The following USP34 variants were observed in gnomAD, a reference collection of about 807,000 sequenced individuals.
The protein encoded by USP34 is ubiquitin specific peptidase 34, also known as ubiquitin carboxyl-terminal hydrolase 34.
A neutral mutation model predicts 460.3 loss-of-function variants in USP34; 70 were observed. The observed-to-expected ratio is 0.15, with a 90% CI of 0.13 to 0.19. USP34 has a LOEUF of 0.19. Ranked by LOEUF, USP34 falls within the 10% of genes least tolerant of loss-of-function variation. The probability of loss-of-function intolerance (pLI) is 1.00; values close to 1 mark genes in which losing one functional copy is unlikely to be tolerated. For synonymous variants in USP34, 1,647 were observed against 1,405.3 expected (o/e 1.17, Z -3.85); for missense variants, 3,985 against 4,236.2 (o/e 0.94, Z 1.65).
In USP34 at chr2:61,463,388, C is replaced by T. The variant is rs184542746; in HGVS notation, c.43+7262G>A. Among the ~76,000 whole-genome samples the T allele has an allele frequency of 3.6e-3, 550 of 152,250 alleles. 3 individuals are homozygous for T. Among genetic ancestry groups the T allele is most frequent in the Non-Finnish European group, 6.4e-3 (432 of 68,020 alleles). On this transcript the variant is annotated intron_variant, in intron 1 of 79. Coordinates refer to ENST00000398571, the MANE Select transcript of USP34 (RefSeq NM_014709.4). ...TGAAAAAGATTCTTATTCAGCTATACTTATTACCACTTTTGAATTCCTACT... is the reference window on the plus strand; with the variant it reads ...TGAAAAAGATTCTTATTCAGCTATATTTATTACCACTTTTGAATTCCTACT...
chr2:61,420,906 G>A lies in USP34; in HGVS notation c.44-73C>T. The A allele has an allele frequency of 3.8e-6, 4 of 1,049,788 alleles. No individual in the cohort carries two copies. In the East Asian group the frequency reaches 7.9e-5, roughly 21 times the overall value. 65.0% of individuals were successfully genotyped at this position (1,049,788 alleles called of 1,614,324 possible). ...ATTAAAGCCAACAGTTCAAAATAAA[G>A]CCAAGAGCTACAAATGCAAACATTT... On this transcript the variant is annotated intron_variant, in intron 1 of 79. Coordinates refer to ENST00000398571, the MANE Select transcript of USP34 (RefSeq NM_014709.4).
At chr2:61,296,779 A>G (rs377618831) in intron 30 of USP34, 21 bp downstream of exon 30, 59 of 1,606,686 alleles carry the variant, frequency 3.7e-5, no homozygotes, top group Non-Finnish European at 4.9e-5. Context: ...CTAGGAGAGT[A>G]AAGAGATTTT....
chr2:61,462,226 C>G (rs1241007976), intron 1 of USP34, among the ~76,000 whole-genome samples: 2 of 130,352 alleles, frequency 1.5e-5, no homozygotes, highest in African/African-American at 5.9e-5. Context: ...GGCAACAGAA[C>G]AAGACTCCAT....
At chr2:61,376,749 G>C (rs1263214424) in intron 8 of USP34, among the ~76,000 whole-genome samples, 1 of 152,072 alleles carries the variant, frequency 6.6e-6, no homozygotes, top group African/African-American at 2.4e-5. Context: ...CCGGGTTTAA[G>C]TGATTCTCGT....
In USP34 at chr2:61,188,280, C is replaced by G. The variant is rs1686504746; in HGVS notation, c.10463G>C (p.Gly3488Ala). The change falls in exon 80 of 80, where the codon GGC (glycine) becomes GCC (alanine). Residue 3488 changes from glycine (G) to alanine (A), a missense_variant. Around this residue, in one of 14 missense-constraint regions of USP34, gnomAD observed 506 missense variants for 439.0 expected, o/e 1.15. Coordinates refer to ENST00000398571, the MANE Select transcript of USP34 (RefSeq NM_014709.4). ...SDLADLRSCD[G>A]QALPSQDPEV... ...AGGGTCCTGGGAGGGCAAAGCTTGG[C>G]CATCACAGCTTCTCAAGTCAGCTAA... 1.2e-6 allele frequency: 2 copies of G among 1,613,882 alleles called. No individual in the cohort carries two copies. The highest frequency in any genetic ancestry group is 4.5e-5 in the East Asian group (2 of 44,876).
intron 1 of USP34, among the ~76,000 whole-genome samples, chr2:61,467,617 GTTT>G (rs3980937): frequency 2.8e-5 from 3 of 106,022 alleles, no homozygotes; most frequent in African/African-American, 7.2e-5. Context: ...CTGTAACTTT[GTTT>G]TTTTTTTTTT....
At chr2:61,430,134 G>A (rs1573033676) in intron 1 of USP34, among the ~76,000 whole-genome samples, 1 of 151,844 alleles carries the variant, frequency 6.6e-6, no homozygotes, top group East Asian at 1.9e-4. Flanking sequence ...AGAATGGCGT[G>A]GACCCGAGAG....
In USP34 at chr2:61,370,949, T is replaced by G. The variant is rs532756768; in HGVS notation, c.1077-370A>C. Among the ~76,000 whole-genome samples the G allele has an allele frequency of 1.8e-4, 28 of 152,294 alleles. No homozygotes were observed. The South Asian group carries it at 5.2e-3, about 28-fold the overall frequency. On this transcript the variant is annotated intron_variant, in intron 8 of 79. Transcript: ENST00000398571. ...AGGTTTCCCAGTATGCCCTTTATAA[T>G]GAGATAATATCAGGAAAATAGGTTG...
At chr2:61,328,944 G>A (rs976461229) in intron 20 of USP34, among the ~76,000 whole-genome samples, 13 of 152,300 alleles carry the variant, frequency 8.5e-5, no homozygotes, top group African/African-American at 2.9e-4. Context: ...TTGCTGACAA[G>A]TAATTAACTC....
At chr2:61,234,663 C>G (rs1688011702) in intron 57 of USP34, among the ~76,000 whole-genome samples, 1 of 152,086 alleles carries the variant, frequency 6.6e-6, no homozygotes. Flanking sequence ...TAAATTGAGA[C>G]AGAGTCTCAC....
intron 10 of USP34, among the ~76,000 whole-genome samples, chr2:61,356,589 G>C (rs986753606): frequency 1.3e-5 from 2 of 152,070 alleles, no homozygotes; most frequent in Non-Finnish European, 2.9e-5. Flanking sequence ...AAGAGATTAG[G>C]CTAAGTGAAA....
chr2:61,196,930 C>T (rs1686827165), intron 75 of USP34, among the ~76,000 whole-genome samples: 1 of 152,184 alleles, frequency 6.6e-6, no homozygotes, highest in Non-Finnish European at 1.5e-5. Context: ...TTTATGATCT[C>T]TAATCACTTT....
chr2:61,358,012 G>A (rs866878318), intron 10 of USP34, among the ~76,000 whole-genome samples: 4 of 151,850 alleles, frequency 2.6e-5, no homozygotes, highest in Non-Finnish European at 5.9e-5. Context: ...CCGACATGGC[G>A]AAATCCCATC....
chr2:61,217,513 T>C (rs1366863277), intron 67 of USP34, among the ~76,000 whole-genome samples: 6 of 152,250 alleles, frequency 3.9e-5, no homozygotes, highest in Non-Finnish European at 7.3e-5. Context: ...TTCATATTAC[T>C]ACATAGTCTT....
intron 70 of USP34, chr2:61,208,172 A>G (rs1687174887): frequency 6.6e-6 from 1 of 152,224 alleles, no homozygotes; most frequent in East Asian, 1.9e-4. Context: ...CATACTATTC[A>G]AAGTCATCCC....
chr2:61,211,815 A>C lies in USP34; in HGVS notation c.8797T>G (p.Leu2933Val). The C allele has an allele frequency of 6.2e-6, 10 of 1,600,404 alleles. No individual in the cohort carries two copies. Among genetic ancestry groups the C allele is most frequent in the South Asian group, 1.1e-5 (1 of 88,338 alleles). The change falls in exon 69 of 80, where the codon TTA becomes GTA. Residue 2933 changes from leucine to valine, a missense_variant. By Grantham distance (32) the Leu-to-Val change is conservative. Coordinates refer to ENST00000398571, the MANE Select transcript of USP34 (RefSeq NM_014709.4). ...CAGGAGCGGCCATCTAAGCAACGTAAGTAACAACTTATGGTTGTTTTCTTG... is the reference window on the plus strand; with the variant it reads ...CAGGAGCGGCCATCTAAGCAACGTACGTAACAACTTATGGTTGTTTTCTTG... Reference protein sequence around the residue: ...QFKKTTISCYLRCLDGRSCWT... With the variant: ...QFKKTTISCYVRCLDGRSCWT...
At chr2:61,315,010 T>G in intron 23 of USP34, 36 bp from the exon 24 acceptor site, 1 of 1,556,784 alleles carries the variant, frequency 6.4e-7, no homozygotes, top group East Asian at 2.2e-5. Context: ...TAAATTTTGT[T>G]TGTCAAACTA....
At chr2:61,224,276 T>C (rs958897291) in intron 62 of USP34, among the ~76,000 whole-genome samples, 1 of 152,242 alleles carries the variant, frequency 6.6e-6, no homozygotes, top group African/African-American at 2.4e-5. Context: ...ATTTGTCCTG[T>C]AGTTTCTCTC....
rs374766191 is a variant in USP34, at chr2:61,299,028, T to C, written c.4128+1923A>G. Among the ~76,000 whole-genome samples the C allele has an allele frequency of 1.3e-4, 19 of 151,706 alleles. No homozygotes were observed. The East Asian group carries it at 3.3e-3, about 27-fold the overall frequency. On this transcript the variant is annotated intron_variant, in intron 29 of 79. Transcript: ENST00000398571. ...CTCCTCACATTATTCCCCTAATACATGGAACAGAACACCAGCACTAGGTGA... is the reference window on the plus strand; with the variant it reads ...CTCCTCACATTATTCCCCTAATACACGGAACAGAACACCAGCACTAGGTGA...
Sources: gnomAD v4.1 joint callset for allele counts (sites outside exome capture counted in the v4.1 genomes callset) on GRCh38, gnomAD v4.1.1 for gene constraint, gnomAD v4.1.1 regional missense constraint, MANE v1.5 for transcripts, NCBI Gene and HGNC (gene_info 2026-07-23, HGNC 2026-07-21) for gene names.